ERC1: variants seen among roughly 807,000 people sequenced by gnomAD.
ERC1 encodes the protein RAB6 interacting protein 2.
Under a neutral mutation model 132.0 loss-of-function variants are expected in ERC1, and 56 were observed. The ratio of observed to expected loss-of-function variants is 0.42; its 90% CI spans 0.34 to 0.53. ERC1 has a LOEUF of 0.53. Among genes scored for constraint, ERC1 ranks in the 20% least tolerant of loss-of-function variants. The probability of loss-of-function intolerance (pLI) is 0.03; values close to 1 mark genes in which losing one functional copy is unlikely to be tolerated. For synonymous variants in ERC1, 478 were observed against 476.1 expected, an observed-to-expected ratio of 1.00 and a Z score of -0.05; for missense variants, 1,202 against 1,349.9, an observed-to-expected ratio of 0.89 and a Z score of 1.72.
intron 16 of ERC1, among the ~76,000 whole-genome samples, chr12:1,399,841 C>G (rs947118208): frequency 4.6e-5 from 7 of 152,056 alleles, no homozygotes; most frequent in African/African-American, 1.7e-4. Context: ...ATAATGATGC[C>G]GTGAACATTT....
intron 16 of ERC1, among the ~76,000 whole-genome samples, chr12:1,374,844 T>TTTTTTTTTC (rs2087697213): frequency 6.8e-6 from 1 of 147,334 alleles, no homozygotes; most frequent in South Asian, 2.1e-4. Flanking sequence ...TTTTTTTTTT[T>TTTTTTTTTC]TTCTGTTTTT....
At chr12:1,098,363 G>T (rs1293727160) in intron 3 of ERC1, among the ~76,000 whole-genome samples, 2 of 152,202 alleles carry the variant, frequency 1.3e-5, no homozygotes, top group Non-Finnish European at 2.9e-5. Flanking sequence ...ATTTTATCAA[G>T]ATCACCCTGG....
intron 17 of ERC1, among the ~76,000 whole-genome samples, chr12:1,428,577 G>A (rs1229492224): frequency 6.6e-6 from 1 of 152,110 alleles, no homozygotes; most frequent in Non-Finnish European, 1.5e-5. Context: ...AGTTTTGGAA[G>A]ACAGGCCTAA....
intron 7 of ERC1, among the ~76,000 whole-genome samples, chr12:1,138,188 T>TATATATC (rs1555264944): frequency 1.8e-5 from 2 of 112,978 alleles, no homozygotes; most frequent in African/African-American, 4.5e-5. Context: ...ATATATATCA[T>TATATATC]ATATAATTAT....
At chr12:1,375,093 A>T (rs548324907) in intron 16 of ERC1, among the ~76,000 whole-genome samples, 1 of 123,312 alleles carries the variant, frequency 8.1e-6, no homozygotes, top group East Asian at 2.0e-4. Flanking sequence ...GTCATCTGGC[A>T]GACATTCTGT....
chr12:1,462,094 A>G (rs1362296996), intron 18 of ERC1, among the ~76,000 whole-genome samples: 1 of 152,226 alleles, frequency 6.6e-6, no homozygotes, highest in African/African-American at 2.4e-5. Context: ...CCAAATATAC[A>G]AAGTAAGCAC....
At chr12:1,083,003 T>C (rs1229985563) in intron 2 of ERC1, 161 bp from the exon 3 acceptor site, 1 of 609,126 alleles carries the variant, frequency 1.6e-6, no homozygotes, top group African/African-American at 1.8e-5. Context: ...TTTTGCATAT[T>C]ATCTCAATCA....
chr12:1,339,422 A>G (rs2083609180), intron 15 of ERC1, among the ~76,000 whole-genome samples: 1 of 141,356 alleles, frequency 7.1e-6, no homozygotes, highest in Non-Finnish European at 1.5e-5. Flanking sequence ...ACGGGGTGCT[A>G]GCAGGTGCCA....
At chr12:1,378,317 G>GT (rs1395322572) in intron 16 of ERC1, among the ~76,000 whole-genome samples, 1 of 152,206 alleles carries the variant, frequency 6.6e-6, no homozygotes, top group Non-Finnish European at 1.5e-5. Context: ...ATTCTTACAT[G>GT]TCAGACTGAT....
chr12:1,488,236 C>T (rs2094270070), intron 18 of ERC1, among the ~76,000 whole-genome samples: 2 of 152,140 alleles, frequency 1.3e-5, no homozygotes, highest in Admixed American at 6.6e-5. Context: ...CCACCCTCAG[C>T]CTCCCAAGTA....
At chr12:1,405,605 A>G (rs1276508558) in intron 16 of ERC1, among the ~76,000 whole-genome samples, 1 of 152,190 alleles carries the variant, frequency 6.6e-6, no homozygotes, top group Non-Finnish European at 1.5e-5. Flanking sequence ...CGGGAGGCTG[A>G]GGCAGGAGAA....
intron 8 of ERC1, among the ~76,000 whole-genome samples, chr12:1,169,004 G>A (rs897356426): frequency 1.3e-4 from 19 of 151,994 alleles, no homozygotes; most frequent in Non-Finnish European, 2.5e-4. Flanking sequence ...ACCATGACAT[G>A]GTGAAGAAAA....
At chr12:1,327,170 A>G (rs2082504438) in intron 15 of ERC1, among the ~76,000 whole-genome samples, 1 of 151,814 alleles carries the variant, frequency 6.6e-6, no homozygotes, top group South Asian at 2.1e-4. Flanking sequence ...ATTAATTCAA[A>G]TGTATAACCT....
chr12:1,366,890 T>G (rs2086712139), intron 15 of ERC1, among the ~76,000 whole-genome samples: 1 of 152,222 alleles, frequency 6.6e-6, no homozygotes, highest in South Asian at 2.1e-4. Context: ...GAGATATTTC[T>G]GGGTACCTAA....
At chr12:1,472,439 A>G (rs976007292) in intron 18 of ERC1, among the ~76,000 whole-genome samples, 17 of 152,204 alleles carry the variant, frequency 1.1e-4, no homozygotes, top group Non-Finnish European at 1.6e-4. Context: ...GCTTGAGGCC[A>G]GGAGTTCAAG....
chr12:1,154,173 C>T (rs1160794344), intron 8 of ERC1, among the ~76,000 whole-genome samples: 3 of 148,766 alleles, frequency 2.0e-5, no homozygotes, highest in Non-Finnish European at 4.5e-5. Context: ...TGATTTCATT[C>T]TTTTTTTCAT....
chr12:1,164,109 G>C (rs943963256), intron 8 of ERC1, among the ~76,000 whole-genome samples: 1 of 152,164 alleles, frequency 6.6e-6, no homozygotes, highest in Non-Finnish European at 1.5e-5. Context: ...GCTGCTTCCA[G>C]ATTTATAGAT....
intron 2 of ERC1, among the ~76,000 whole-genome samples, chr12:1,055,426 C>T (rs1274958999): frequency 3.9e-5 from 6 of 152,136 alleles, no homozygotes; most frequent in African/African-American, 1.4e-4. Flanking sequence ...ATGATCTGCC[C>T]ACCTCAGCCT....
At chr12:1,419,166 C>T (rs1164549085) in intron 17 of ERC1, among the ~76,000 whole-genome samples, 1 of 152,028 alleles carries the variant, frequency 6.6e-6, no homozygotes, top group African/African-American at 2.4e-5. Flanking sequence ...AAGAATATTC[C>T]CATAAGAATA....
Sources: allele counts gnomAD v4.1 joint callset (sites outside exome capture counted in the v4.1 genomes callset), GRCh38; gene constraint gnomAD v4.1.1; transcripts MANE v1.5; gene names NCBI Gene and HGNC (gene_info 2026-07-23, HGNC 2026-07-21).